DPP10: variants seen among roughly 807,000 people sequenced by gnomAD.
DPP10 encodes the protein dipeptidyl peptidase like 10.
DPP10 carries 33 observed loss-of-function variants against 120.9 expected under a neutral mutation model. The ratio of observed to expected loss-of-function variants is 0.27; its 90% CI spans 0.21 to 0.37. The LOEUF (loss-of-function observed/expected upper bound fraction) is 0.37, where lower values mean the gene tolerates loss of function less well. Among genes scored for constraint, DPP10 ranks in the 10% least tolerant of loss-of-function variants. DPP10 has a pLI of 1.00. For missense variants in DPP10, 816 were observed against 942.8 expected (o/e 0.87, Z 1.76); for synonymous variants, 337 against 326.1 (o/e 1.03, Z -0.36).
At chr2:114,460,420 C>G (rs1370903398) in intron 1 of DPP10, among the ~76,000 whole-genome samples, 1 of 152,078 alleles carries the variant, frequency 6.6e-6, no homozygotes, top group Non-Finnish European at 1.5e-5. Flanking sequence ...ATTACAATTA[C>G]TTCCTAGAGA....
In DPP10 at chr2:115,663,315, T is replaced by C. The variant is rs1404606751; in HGVS notation, c.442-26372T>C. On this transcript the variant is annotated intron_variant, in intron 5 of 25. Coordinates refer to ENST00000410059, the MANE Select transcript of DPP10 (RefSeq NM_020868.6). Reference sequence around the variant, plus strand: ...GCCTATATTCTTCAGCAATGTATAATAAGATCAAATGAAAACCAATAATTA... The same window carrying C: ...GCCTATATTCTTCAGCAATGTATAACAAGATCAAATGAAAACCAATAATTA... 2.0e-5 allele frequency among the ~76,000 whole-genome samples: 3 copies of C among 152,222 alleles called. No individual in the cohort carries two copies. The East Asian group carries it at 5.8e-4, about 29-fold the overall frequency.
chr2:114,839,230 A>C (rs569580823), intron 1 of DPP10, among the ~76,000 whole-genome samples: 5 of 152,192 alleles, frequency 3.3e-5, no homozygotes, highest in African/African-American at 9.6e-5. Flanking sequence ...ACATCCTATT[A>C]AAGTATGGTG....
intron 15 of DPP10, among the ~76,000 whole-genome samples, chr2:115,780,521 A>G (rs991282103): frequency 6.6e-6 from 1 of 151,820 alleles, no homozygotes; most frequent in Non-Finnish European, 1.5e-5. Flanking sequence ...TCTGTGGGAA[A>G]TTCCCTTTAA....
At chr2:114,707,387 A>C (rs1700750674) in intron 1 of DPP10, among the ~76,000 whole-genome samples, 1 of 152,192 alleles carries the variant, frequency 6.6e-6, no homozygotes, top group Non-Finnish European at 1.5e-5. Context: ...ATTATTAGAC[A>C]GCTAATATTT....
intron 5 of DPP10, among the ~76,000 whole-genome samples, chr2:115,634,402 G>A (rs1273520095): frequency 6.6e-6 from 1 of 152,070 alleles, no homozygotes; most frequent in Non-Finnish European, 1.5e-5. Flanking sequence ...GGACTTTTTT[G>A]TTGACGTTAT....
chr2:115,705,111 A>G (rs1458339666), intron 7 of DPP10, among the ~76,000 whole-genome samples: 2 of 151,960 alleles, frequency 1.3e-5, no homozygotes, highest in African/African-American at 4.8e-5. Flanking sequence ...TCAAATTATG[A>G]GCAATGGTTT....
At chr2:114,818,667 C>A (rs1006243654) in intron 1 of DPP10, among the ~76,000 whole-genome samples, 1 of 151,914 alleles carries the variant, frequency 6.6e-6, no homozygotes, top group African/African-American at 2.4e-5. Context: ...GAAAAAGGAA[C>A]CTCTATAAAA....
chr2:114,582,532 G>A (rs560162378), intron 1 of DPP10, among the ~76,000 whole-genome samples: 1 of 152,284 alleles, frequency 6.6e-6, no homozygotes, highest in Non-Finnish European at 1.5e-5. Context: ...TTTCAAAGTG[G>A]CTGTGCCATT....
chr2:115,277,941 T>C (rs758912466), intron 1 of DPP10, among the ~76,000 whole-genome samples: 1 of 152,212 alleles, frequency 6.6e-6, no homozygotes, highest in Non-Finnish European at 1.5e-5. Flanking sequence ...ATGTTGACTT[T>C]GCAGCCAGAA....
At chr2:114,719,894 G>T (rs1416439479) in intron 1 of DPP10, among the ~76,000 whole-genome samples, 1 of 152,228 alleles carries the variant, frequency 6.6e-6, no homozygotes, top group East Asian at 1.9e-4. Context: ...AGAACATACA[G>T]TGGCCTGGGA....
chr2:114,702,937 T>G (rs983637887), intron 1 of DPP10, among the ~76,000 whole-genome samples: 1 of 152,102 alleles, frequency 6.6e-6, no homozygotes, highest in African/African-American at 2.4e-5. Flanking sequence ...CTTTGTACCT[T>G]GAACAATTTG....
At chr2:115,222,079 CA>C (rs1294494477) in intron 1 of DPP10, among the ~76,000 whole-genome samples, 1 of 152,030 alleles carries the variant, frequency 6.6e-6, no homozygotes, top group Non-Finnish European at 1.5e-5. Context: ...TTTAGGAACA[CA>C]GGGGAGAGCA....
intron 5 of DPP10, among the ~76,000 whole-genome samples, chr2:115,668,163 AG>A (rs1161942714): frequency 6.6e-6 from 1 of 151,926 alleles, no homozygotes; most frequent in Non-Finnish European, 1.5e-5. Flanking sequence ...TTTTTTGGTA[AG>A]CCCTTTATTA....
chr2:114,746,839 T>C (rs1678626451), intron 1 of DPP10, among the ~76,000 whole-genome samples: 2 of 152,188 alleles, frequency 1.3e-5, no homozygotes, highest in South Asian at 2.1e-4. Context: ...GCTATTATCT[T>C]TCTTCAGCTG....
At position 114,825,410 on chromosome 2, in the gene DPP10, G is replaced by A. The variant is rs143439699; in HGVS notation, c.60+382572G>A. On this transcript the variant is annotated intron_variant, in intron 1 of 25. Coordinates refer to ENST00000410059, the MANE Select transcript of DPP10 (RefSeq NM_020868.6). Reference sequence around the variant, plus strand: ...TCTATTTCTTTTACCTTCATGTGCTGGCTGGCTGAGTCACTGGGCAACTGG... The same window carrying A: ...TCTATTTCTTTTACCTTCATGTGCTAGCTGGCTGAGTCACTGGGCAACTGG... Among the ~76,000 whole-genome samples, 1,480 of 152,278 alleles carry A rather than the reference G, an allele frequency of 9.7e-3. 7 individuals are homozygous for A. Among genetic ancestry groups the A allele is most frequent in the Non-Finnish European group, 0.014 (982 of 68,040 alleles).
At chr2:115,499,722 T>C (rs755282001) in intron 4 of DPP10, 118 bp downstream of exon 4, 22 of 605,090 alleles carry the variant, frequency 3.6e-5, no homozygotes, top group Middle Eastern at 4.8e-4. Context: ...AGGTGAAAAG[T>C]TGGGGCTGGA....
intron 1 of DPP10, among the ~76,000 whole-genome samples, chr2:114,863,481 T>C (rs1574367710): frequency 6.6e-6 from 1 of 151,366 alleles, no homozygotes; most frequent in Admixed American, 6.6e-5. Flanking sequence ...TACAGGGAGG[T>C]TTTGGTGGGT....
At chr2:115,431,687 T>G (rs775315622) in intron 3 of DPP10, among the ~76,000 whole-genome samples, 4 of 152,134 alleles carry the variant, frequency 2.6e-5, no homozygotes, top group Non-Finnish European at 5.9e-5. Flanking sequence ...TTCAGGGGTC[T>G]AACCGAATCA....
At chr2:115,232,741 A>G (rs2057798540) in intron 1 of DPP10, among the ~76,000 whole-genome samples, 1 of 152,258 alleles carries the variant, frequency 6.6e-6, no homozygotes, top group African/African-American at 2.4e-5. Context: ...GTCAATGAAT[A>G]CACTTATTTT....
Sources: allele counts gnomAD v4.1 joint callset (sites outside exome capture counted in the v4.1 genomes callset), GRCh38; gene constraint gnomAD v4.1.1; transcripts MANE v1.5; gene names NCBI Gene and HGNC (gene_info 2026-07-23, HGNC 2026-07-21).